The following PTPN3 variants were observed in gnomAD, a reference collection of about 807,000 sequenced individuals.
PTPN3 encodes the protein tyrosine-protein phosphatase non-receptor type 3.
A neutral mutation model predicts 132.7 loss-of-function variants in PTPN3; 96 were observed. The observed-to-expected ratio is 0.72, with a 90% CI of 0.61 to 0.86. The LOEUF (loss-of-function observed/expected upper bound fraction) is 0.86. Among genes scored for constraint, PTPN3 ranks in the 40% least tolerant of loss-of-function variants. The probability of loss-of-function intolerance (pLI) is 0.00; values close to 1 mark genes in which losing one functional copy is unlikely to be tolerated. For synonymous variants in PTPN3, 398 were observed against 429.0 expected, an observed-to-expected ratio of 0.93 and a Z score of 0.89; for missense variants, 1,125 against 1,159.6, an observed-to-expected ratio of 0.97 and a Z score of 0.43.
the PTPN3 span, among the ~76,000 whole-genome samples, chr9:109,510,599 A>ATATATATATTTATATATT: frequency 1.2e-5 from 1 of 82,886 alleles, no homozygotes; most frequent in Non-Finnish European, 2.3e-5. Context: ...ATATATATAT[A>ATATATATATTTATATATT]TATATATATG....
intron 1 of PTPN3, among the ~76,000 whole-genome samples, chr9:109,487,295 C>G (rs1847257312): frequency 6.6e-6 from 1 of 152,340 alleles, no homozygotes; most frequent in Non-Finnish European, 1.5e-5. Flanking sequence ...TGCCTCTGGT[C>G]TTAACAAGTG....
At chr9:109,443,732 G>C (rs1844654640) in intron 7 of PTPN3, among the ~76,000 whole-genome samples, 1 of 152,136 alleles carries the variant, frequency 6.6e-6, no homozygotes, top group South Asian at 2.1e-4. Flanking sequence ...GAAATGGCCG[G>C]GCCTGTCCCA....
At chr9:109,528,014 C>T in the PTPN3 span, among the ~76,000 whole-genome samples, 1 of 152,080 alleles carries the variant, frequency 6.6e-6, no homozygotes, top group Admixed American at 6.6e-5. Flanking sequence ...AAAAAGTGTT[C>T]AACATCATTA....
intron 1 of PTPN3, among the ~76,000 whole-genome samples, chr9:109,493,675 G>A (rs569351635): frequency 1.3e-5 from 2 of 152,230 alleles, no homozygotes; most frequent in East Asian, 1.9e-4. Flanking sequence ...TACAGATCCC[G>A]TTCTTTGGTT....
intron 9 of PTPN3, among the ~76,000 whole-genome samples, chr9:109,436,130 T>C (rs1286855425): frequency 6.6e-6 from 1 of 152,244 alleles, no homozygotes; most frequent in East Asian, 1.9e-4. Flanking sequence ...TAGTATATAG[T>C]AGGTGCTCAA....
At chr9:109,510,502 G>T in the PTPN3 span, among the ~76,000 whole-genome samples, 1 of 147,536 alleles carries the variant, frequency 6.8e-6, no homozygotes, top group Non-Finnish European at 1.5e-5. Context: ...AGGTTGCATT[G>T]AGCCGAGATT....
At chr9:109,531,352 A>G in the PTPN3 span, among the ~76,000 whole-genome samples, 1 of 152,182 alleles carries the variant, frequency 6.6e-6, no homozygotes, top group South Asian at 2.1e-4. Flanking sequence ...CTCTCTGATG[A>G]AGGGCTAAGA....
chr9:109,534,637 A>G, the PTPN3 span, among the ~76,000 whole-genome samples: 1 of 137,088 alleles, frequency 7.3e-6, no homozygotes, highest in African/African-American at 2.7e-5. Flanking sequence ...AAATACAAAA[A>G]AAAAAAAAAA....
the PTPN3 span, among the ~76,000 whole-genome samples, chr9:109,520,824 G>C: frequency 6.6e-6 from 1 of 152,172 alleles, no homozygotes; most frequent in African/African-American, 2.4e-5. Flanking sequence ...GCAAAGACTC[G>C]AAAGTCCTGT....
At chr9:109,433,900 A>C (rs1843836895) in intron 9 of PTPN3, among the ~76,000 whole-genome samples, 1 of 139,216 alleles carries the variant, frequency 7.2e-6, no homozygotes, top group African/African-American at 2.7e-5. Flanking sequence ...CCTAGGCAGC[A>C]GAGGGAGACT....
intron 1 of PTPN3, among the ~76,000 whole-genome samples, chr9:109,470,828 T>C (rs896579318): frequency 6.6e-6 from 1 of 152,258 alleles, no homozygotes; most frequent in African/African-American, 2.4e-5. Flanking sequence ...AATGAGACTT[T>C]CTTTTTAACC....
intron 1 of PTPN3, among the ~76,000 whole-genome samples, chr9:109,484,464 C>G (rs1044659103): frequency 2.6e-5 from 4 of 152,206 alleles, no homozygotes; most frequent in Non-Finnish European, 5.9e-5. Flanking sequence ...GCCGAGCCAC[C>G]TCTGTGGAAA....
chr9:109,441,186 C>G (rs937522692), intron 7 of PTPN3, among the ~76,000 whole-genome samples: 6 of 152,170 alleles, frequency 3.9e-5, no homozygotes, highest in South Asian at 2.1e-4. Flanking sequence ...TGTGAGAAAG[C>G]AACACATGCA....
chr9:109,454,647 A>C, intron 4 of PTPN3, 73 bp from the exon 5 acceptor site: 1 of 1,161,440 alleles, frequency 8.6e-7, no homozygotes, highest in Non-Finnish European at 1.3e-6. Flanking sequence ...CTTCTCTTCC[A>C]TAAGTGATGC....
intron 2 of PTPN3, among the ~76,000 whole-genome samples, chr9:109,460,883 G>T (rs1845814030): frequency 6.6e-6 from 1 of 152,194 alleles, no homozygotes; most frequent in African/African-American, 2.4e-5. Context: ...CCAGAACAAA[G>T]CTTAGCCCAT....
At chr9:109,527,390 CG>C in the PTPN3 span, among the ~76,000 whole-genome samples, 1 of 151,926 alleles carries the variant, frequency 6.6e-6, no homozygotes, top group African/African-American at 2.4e-5. Flanking sequence ...GAGCCAGGGG[CG>C]GGGAGGTTGC....
intron 1 of PTPN3, among the ~76,000 whole-genome samples, chr9:109,474,341 G>C (rs1387408374): frequency 6.6e-6 from 1 of 152,118 alleles, no homozygotes; most frequent in East Asian, 1.9e-4. Context: ...AGCCTCCTTG[G>C]TTGCTACTTT....
chr9:109,403,729 G>A (rs371842977), intron 19 of PTPN3, among the ~76,000 whole-genome samples: 1 of 152,264 alleles, frequency 6.6e-6, no homozygotes, highest in Non-Finnish European at 1.5e-5. Context: ...AAATAAATTT[G>A]GAAGATGAAC....
At chr9:109,403,413 T>C (rs1841310229) in intron 19 of PTPN3, among the ~76,000 whole-genome samples, 1 of 152,258 alleles carries the variant, frequency 6.6e-6, no homozygotes, top group Non-Finnish European at 1.5e-5. Flanking sequence ...TGTGACTCTC[T>C]TCCTGAATTT....
Sources: gnomAD v4.1 joint callset for allele counts (sites outside exome capture counted in the v4.1 genomes callset) on GRCh38, gnomAD v4.1.1 for gene constraint, MANE v1.5 for transcripts, NCBI Gene and HGNC (gene_info 2026-07-23, HGNC 2026-07-21) for gene names.